The following MAFK variants were observed in gnomAD, a reference collection of about 807,000 sequenced individuals.
The protein encoded by MAFK is MAF bZIP transcription factor K.
A neutral mutation model predicts 9.2 loss-of-function variants in MAFK; 1 was observed. The ratio of observed to expected loss-of-function variants is 0.11; its 90% confidence interval spans 0.04 to 0.52. MAFK has a LOEUF of 0.52. Among genes scored for constraint, MAFK ranks in the 20% least tolerant of loss-of-function variants. MAFK has a pLI of 0.94. For missense variants in MAFK, 207 were observed against 236.0 expected (o/e 0.88, Z 0.81); for synonymous variants, 110 against 107.4 (o/e 1.02, Z -0.15).
rs747513012 is a variant in MAFK, at chr7:1,540,288, C to T, written c.384C>T (p.Pro128=). ...CCGTGGCCCGGGGACCTGTGGCGCC[C>T]TCCAAGGTGGCCACCACCAGCGTCA... ...ARTVARGPVA[P]SKVATTSVIT... is the part of the protein sequence containing the mutation. Residue 128 remains proline (P), a synonymous_variant, in exon 3 of 3, where the codon CCC becomes CCT. Transcript: ENST00000343242. The T allele has an allele frequency of 3.4e-5, 54 of 1,611,674 alleles. No individual in the cohort carries two copies. Among genetic ancestry groups the T allele is most frequent in the Admixed American group, 3.2e-4 (19 of 59,942 alleles).
At position 1,532,617 on chromosome 7, in the gene MAFK, G is replaced by A. The variant is rs749991700; in HGVS notation, c.-45+1719G>A. On this transcript the variant is annotated intron_variant, in intron 1 of 2. Transcript: ENST00000343242. This position sits in a 1 kb window ranked among gnomAD's most constrained non-coding sequence, Gnocchi z 4.5. ...TACCGAGGGTCAGGGTTGTCGGGGC[G>A]CCAGCCTTTGTGTGCACCCGGGAGG... is the stretch of plus-strand genomic sequence containing the variant. Among the ~76,000 whole-genome samples, 8 of 152,318 alleles carry A rather than the reference G, an allele frequency of 5.3e-5. No individual in the cohort carries two copies. The highest frequency in any genetic ancestry group is 3.4e-3 in the Middle Eastern group (1 of 292).
intron 1 of MAFK, among the ~76,000 whole-genome samples, chr7:1,535,782 C>A (rs543505355): frequency 3.3e-4 from 50 of 152,306 alleles, no homozygotes; most frequent in African/African-American, 1.1e-3. Context: ...GAGCCCAGGG[C>A]TCTGATCCTC....
At chr7:1,536,186 A>G (rs934300648) in intron 1 of MAFK, among the ~76,000 whole-genome samples, 3 of 152,184 alleles carry the variant, frequency 2.0e-5, no homozygotes, top group Non-Finnish European at 4.4e-5. Context: ...GGGGCCCCAC[A>G]GCGGAAACTC....
intron 2 of MAFK, 84 bp downstream of exon 2, chr7:1,539,312 C>G (rs1039359353): frequency 8.5e-7 from 1 of 1,172,554 alleles, no homozygotes; most frequent in South Asian, 1.4e-5. Context: ...ATCCCAGGGC[C>G]GTCCTGAGCC....
In MAFK at chr7:1,539,742, A is replaced by T. The variant is rs149500418; in HGVS notation, c.37-199A>T. Among the ~76,000 whole-genome samples the T allele has an allele frequency of 8.9e-4, 135 of 152,280 alleles. 1 individual carries two copies. The highest frequency in any genetic ancestry group is 3.1e-3 in the African/African-American group (129 of 41,564). On this transcript the variant is annotated intron_variant, in intron 2 of 2. Coordinates refer to ENST00000343242, the MANE Select transcript of MAFK (RefSeq NM_002360.4). The stretch of plus-strand genomic sequence containing the variant: ...GTCACCACTGGCTTTTCCCGTTCAG[A>T]AAGGGTCCTGTGGGGCCACAGCTGT...
intron 2 of MAFK, 106 bp downstream of exon 2, chr7:1,539,334 C>G (rs542348603): frequency 1.3e-5 from 12 of 903,632 alleles, no homozygotes; most frequent in Non-Finnish European, 1.7e-5. Context: ...GTGATGGAGG[C>G]CTCCCTGTTG....
rs550580169 is a variant in MAFK at position 1,537,233 on chromosome 7, C to T, written c.-44-1916C>T. On this transcript the variant is annotated intron_variant, in intron 1 of 2. Coordinates refer to ENST00000343242, the MANE Select transcript of MAFK (RefSeq NM_002360.4). Reference sequence around the variant, plus strand: ...GGTCTGGCCAGACGGTCCTGTCCCCCGGACCTTCCTTTTCCGCCCGGCTGT... The same window carrying T: ...GGTCTGGCCAGACGGTCCTGTCCCCTGGACCTTCCTTTTCCGCCCGGCTGT... The T allele has an allele frequency of 1.9e-3, 512 of 270,842 alleles. 4 individuals carry two copies. The highest frequency in any genetic ancestry group is 0.011 in the African/African-American group (485 of 43,746). The allele number at this position is 270,842 out of a possible 1,614,324, so 16.8% of individuals were successfully genotyped here. A position where few individuals can be genotyped will look rare whatever the true frequency, so the allele number is the denominator to read the frequency against.
At position 1,540,470 on chromosome 7, in the gene MAFK, C is replaced by T. The variant is rs992627815; in HGVS notation, c.*95C>T. 6 of 1,230,800 alleles carry T rather than the reference C, an allele frequency of 4.9e-6. No individual in the cohort carries two copies. The Admixed American group carries it at 8.6e-5, about 18-fold the overall frequency. 76.2% of individuals were successfully genotyped at this position (1,230,800 alleles called of 1,614,324 possible). A position where few individuals can be genotyped will look rare whatever the true frequency, so the allele number is the denominator to read the frequency against. Reference sequence around the variant, plus strand: ...CTGTCACTGGGATGCAGACTCTCGACATCCGAGTCCAAGCGCAGGCCCCTC... The same window carrying T: ...CTGTCACTGGGATGCAGACTCTCGATATCCGAGTCCAAGCGCAGGCCCCTC... On this transcript the variant is annotated 3_prime_UTR_variant, in exon 3 of 3. Coordinates refer to ENST00000343242, the MANE Select transcript of MAFK (RefSeq NM_002360.4).
intron 1 of MAFK, chr7:1,538,389 G>T (rs941636160): frequency 1.2e-4 from 119 of 985,286 alleles, no homozygotes; most frequent in Admixed American, 6.8e-4. Flanking sequence ...CCCTTGGGCC[G>T]CAGGGTCCTC....
chr7:1,535,010 A>G (rs1411952673), intron 1 of MAFK, among the ~76,000 whole-genome samples: 3 of 151,264 alleles, frequency 2.0e-5, no homozygotes, highest in Admixed American at 6.6e-5. Flanking sequence ...GGCTCAAGCA[A>G]TCCTCCCACC....
At chr7:1,538,160 G>C in intron 1 of MAFK, 1 of 576,744 alleles carries the variant, frequency 1.7e-6, no homozygotes, top group Non-Finnish European at 2.2e-6. Context: ...TCCCAAGGTC[G>C]CCATGGCAAC....
Position 1,534,089 on chromosome 7 carries a change from A to G in MAFK, c.-45+3191A>G. On this transcript the variant is annotated intron_variant, in intron 1 of 2. Coordinates refer to ENST00000343242, the MANE Select transcript of MAFK (RefSeq NM_002360.4). The surrounding 1 kb of genome is among the most constrained non-coding windows in gnomAD (Gnocchi z 4.3). ...CGTCCTCCAAGCCGGGCCGACAGTC[A>G]TGGCTTGCTGGAGGGCAGCCAGCCA... 2.6e-6 allele frequency: 1 copy of G among 382,896 alleles called. No homozygotes were observed. The highest frequency in any genetic ancestry group is 1.8e-5 in the South Asian group (1 of 55,544). 23.7% of individuals were successfully genotyped at this position (382,896 alleles called of 1,614,324 possible).
chr7:1,536,375 G>T (rs1784030358), intron 1 of MAFK, among the ~76,000 whole-genome samples: 1 of 152,228 alleles, frequency 6.6e-6, no homozygotes, highest in Non-Finnish European at 1.5e-5. Context: ...CTGGAGGGGA[G>T]CTTGGCTGCA....
intron 1 of MAFK, chr7:1,538,304 A>T: frequency 1.0e-6 from 1 of 985,538 alleles, no homozygotes; most frequent in Non-Finnish European, 1.2e-6. Flanking sequence ...AATGCTCGGC[A>T]GGGCGGCGGC....
At chr7:1,537,747 C>T in intron 1 of MAFK, 1 of 972,624 alleles carries the variant, frequency 1.0e-6, no homozygotes. Context: ...GGGGTGGGGC[C>T]CCCATCGGAG....
In MAFK at chr7:1,534,388, G is replaced by T. The variant is rs1336448765; in HGVS notation, c.-45+3490G>T. 2.3e-6 allele frequency: 1 copy of T among 442,520 alleles called. No individual in the cohort carries two copies. Among genetic ancestry groups the T allele is most frequent in the Non-Finnish European group, 4.6e-6 (1 of 215,634 alleles). 27.4% of individuals were successfully genotyped at this position (442,520 alleles called of 1,614,324 possible). On this transcript the variant is annotated intron_variant, in intron 1 of 2. Transcript: ENST00000343242. This position sits in a 1 kb window ranked among gnomAD's most constrained non-coding sequence, Gnocchi z 4.3. The stretch of plus-strand genomic sequence containing the variant: ...CCAGTGTGGAGGGCACCCGGCTTGG[G>T]GTCTCTGGCAGAAAGGCTCCTGGGA...
chr7:1,536,925 T>C (rs1486634273), intron 1 of MAFK, among the ~76,000 whole-genome samples: 1 of 152,164 alleles, frequency 6.6e-6, no homozygotes, highest in African/African-American at 2.4e-5. Context: ...GAGCACAGCG[T>C]GGGGGCCGCC....
At chr7:1,539,030 C>G (rs1025250472) in intron 1 of MAFK, 119 bp from the exon 2 acceptor site, 6 of 772,476 alleles carry the variant, frequency 7.8e-6, no homozygotes, top group African/African-American at 1.8e-5. Context: ...GTCTTGTTTT[C>G]ATGGTGCTGT....
rs574972675 is a variant in MAFK at position 1,539,491 on chromosome 7, C to T, written c.36+263C>T. On this transcript the variant is annotated intron_variant, in intron 2 of 2. Transcript: ENST00000343242. ...CCGCCTGGGCTGTGTGTCCGCCGGG[C>T]GCTACTGCATGAGCTCATCCCCTGG... 1.1e-4 allele frequency among the ~76,000 whole-genome samples: 16 copies of T among 151,856 alleles called. No individual in the cohort carries two copies. In the East Asian group the frequency reaches 3.2e-3, roughly 30 times the overall value.
Sources: allele counts gnomAD v4.1 joint callset (sites outside exome capture counted in the v4.1 genomes callset), GRCh38; gene constraint gnomAD v4.1.1; non-coding constraint Gnocchi (gnomAD v3.1); transcripts MANE v1.5; gene names NCBI Gene and HGNC (gene_info 2026-07-23, HGNC 2026-07-21).